Variants in ANXA4 observed in about 807,000 individuals in gnomAD.
ANXA4 encodes 35-beta calcimedin.
In ANXA4, 39 loss-of-function variants were observed where a neutral mutation model predicts 49.8. The ratio of observed to expected loss-of-function variants is 0.78; its 90% CI spans 0.61 to 1.02. The LOEUF is 1.02. Ranked by LOEUF, ANXA4 falls within the 50% of genes least tolerant of loss-of-function variation. The pLI, the probability that ANXA4 is intolerant of heterozygous loss-of-function variation, is 0.00. For synonymous variants in ANXA4, 134 were observed against 152.5 expected (o/e 0.88, Z 0.89); for missense variants, 360 against 410.1 (o/e 0.88, Z 1.05).
intron 2 of ANXA4, among the ~76,000 whole-genome samples, chr2:69,688,466 T>G (rs1184309531): frequency 6.6e-6 from 1 of 152,250 alleles, no homozygotes; most frequent in Non-Finnish European, 1.5e-5. Context: ...TTAATTCATT[T>G]GCAGTTCTAA....
intron 2 of ANXA4, among the ~76,000 whole-genome samples, chr2:69,696,477 A>C (rs927737902): frequency 6.6e-6 from 1 of 152,232 alleles, no homozygotes; most frequent in Non-Finnish European, 1.5e-5. Context: ...CACGAGAGTT[A>C]AAATCAGCTT....
intron 6 of ANXA4, 200 bp downstream of exon 6, chr2:69,808,196 AT>A: frequency 1.8e-6 from 1 of 563,240 alleles, no homozygotes; most frequent in Non-Finnish European, 3.2e-6. Context: ...TCAGGTGAAG[AT>A]GACACTCTAT....
At chr2:69,818,325 A>ATGTGT (rs1313529231) in intron 9 of ANXA4, 15 of 226,744 alleles carry the variant, frequency 6.6e-5, no homozygotes, top group African/African-American at 3.4e-4. Flanking sequence ...AAAGCTCCCC[A>ATGTGT]GAGGCCATCT....
intron 4 of ANXA4, 142 bp from the exon 5 acceptor site, chr2:69,806,243 T>G: frequency 1.6e-6 from 1 of 607,010 alleles, no homozygotes; most frequent in African/African-American, 1.9e-5. Flanking sequence ...AAATAACATC[T>G]GAGTGTTATT....
At chr2:69,762,909 CAT>C (rs1671355787) in intron 1 of ANXA4, among the ~76,000 whole-genome samples, 1 of 152,096 alleles carries the variant, frequency 6.6e-6, no homozygotes, top group Admixed American at 6.6e-5. Flanking sequence ...ACATACTCTT[CAT>C]CCAGCTCCAT....
chr2:69,648,178 A>T (rs1011041176), intron 1 of ANXA4, among the ~76,000 whole-genome samples: 1 of 152,210 alleles, frequency 6.6e-6, no homozygotes, highest in Non-Finnish European at 1.5e-5. Context: ...CTCACAATAC[A>T]TCTATGAAGT....
chr2:69,696,386 A>T (rs1678160863), intron 2 of ANXA4, among the ~76,000 whole-genome samples: 1 of 152,150 alleles, frequency 6.6e-6, no homozygotes, highest in East Asian at 1.9e-4. Context: ...TCCAGGTACC[A>T]CTTCTAATTC....
intron 3 of ANXA4, among the ~76,000 whole-genome samples, chr2:69,793,264 C>A (rs1342631648): frequency 9.7e-5 from 11 of 113,654 alleles, no homozygotes; most frequent in East Asian, 5.7e-4. Context: ...AAAAAAAAAG[C>A]AGTTTACAAC....
At chr2:69,680,544 A>T (rs1677559362) in intron 2 of ANXA4, among the ~76,000 whole-genome samples, 3 of 152,136 alleles carry the variant, frequency 2.0e-5, no homozygotes, top group Non-Finnish European at 4.4e-5. Context: ...CCTGTGTTGA[A>T]TAGGAGTGGT....
intron 2 of ANXA4, among the ~76,000 whole-genome samples, chr2:69,677,253 C>T (rs938373386): frequency 6.6e-6 from 1 of 151,858 alleles, no homozygotes; most frequent in Non-Finnish European, 1.5e-5. Context: ...TTTTTTGAGA[C>T]AGAGTCTCAC....
At chr2:69,656,347 GTATA>G (rs1559046555) in intron 2 of ANXA4, among the ~76,000 whole-genome samples, 1 of 91,544 alleles carries the variant, frequency 1.1e-5, no homozygotes, top group African/African-American at 6.6e-5. Context: ...ATATATATGT[GTATA>G]TATGTGTATA....
intron 2 of ANXA4, among the ~76,000 whole-genome samples, chr2:69,709,633 T>A (rs1180009854): frequency 6.6e-6 from 1 of 152,212 alleles, no homozygotes; most frequent in Non-Finnish European, 1.5e-5. Context: ...GAAATCTACA[T>A]GGCAACCTCG....
intron 2 of ANXA4, among the ~76,000 whole-genome samples, chr2:69,702,056 G>A (rs1020820985): frequency 5.7e-4 from 87 of 152,010 alleles, no homozygotes; most frequent in Non-Finnish European, 1.2e-3. Flanking sequence ...CTGTCACCCA[G>A]GCTGGAATGC....
At chr2:69,738,753 C>G (rs1302498521), upstream of ANXA4, among the ~76,000 whole-genome samples, 1 of 151,930 alleles carries the variant, frequency 6.6e-6, no homozygotes, top group African/African-American at 2.4e-5. Context: ...TGTAGATGCT[C>G]TAGTTGACAG....
Position 69,816,135 on chromosome 2 carries a change from C to G in ANXA4, c.569C>G (p.Thr190Arg). The change falls in exon 9 of 13, where the codon ACA becomes AGA. Residue 190 changes from threonine (T) to arginine (R), a missense_variant. Thr to Arg is a moderately conservative substitution (Grantham distance 71). Transcript: ENST00000394295. ...GAGGCTGGAGAGAAGAAATGGGGGA[C>G]AGATGAGGTGAAATTTCTAACTGTT... ...LYEAGEKKWG[T>R]DEVKFLTVLC... 2 of 1,614,132 alleles carry G rather than the reference C, an allele frequency of 1.2e-6. No individual in the cohort carries two copies. Among genetic ancestry groups the G allele is most frequent in the Non-Finnish European group, 1.7e-6 (2 of 1,179,998 alleles).
At chr2:69,655,984 A>G (rs752915022) in intron 2 of ANXA4, among the ~76,000 whole-genome samples, 6 of 151,848 alleles carry the variant, frequency 4.0e-5, no homozygotes, top group Non-Finnish European at 5.9e-5. Flanking sequence ...ATGAGAACAC[A>G]TGGACACAGG....
chr2:69,725,936 C>CT (rs959902202), intron 3 of ANXA4, among the ~76,000 whole-genome samples: 5 of 151,984 alleles, frequency 3.3e-5, no homozygotes, highest in African/African-American at 1.2e-4. Flanking sequence ...GTTCTTGTGA[C>CT]TTTTTTTTCA....
In ANXA4 at chr2:69,810,693, G is replaced by A. The variant is rs1476923804; in HGVS notation, c.477+20G>A. 6.2e-7 allele frequency: 1 copy of A among 1,604,014 alleles called. No individual in the cohort carries two copies. Among genetic ancestry groups the A allele is most frequent in the Non-Finnish European group, 8.5e-7 (1 of 1,171,260 alleles). On this transcript the variant is annotated intron_variant, in intron 7 of 12. Coordinates refer to ENST00000394295, the MANE Select transcript of ANXA4 (RefSeq NM_001153.5). ...TCAGCTGTGAGTGACTGCTTCTGAT[G>A]GGGGGCGGGTTTTATCGAAATGTCC... is the stretch of plus-strand genomic sequence containing the variant.
chr2:69,722,264 A>G (rs1357054099), intron 3 of ANXA4, among the ~76,000 whole-genome samples: 2 of 152,230 alleles, frequency 1.3e-5, no homozygotes, highest in Admixed American at 6.5e-5. Context: ...AGACATAATT[A>G]TAGGTATATA....
Sources: gnomAD v4.1 joint callset for allele counts (sites outside exome capture counted in the v4.1 genomes callset) on GRCh38, gnomAD v4.1.1 for gene constraint, MANE v1.5 for transcripts, NCBI Gene and HGNC (gene_info 2026-07-23, HGNC 2026-07-21) for gene names.